AP4S1: variants seen among roughly 807,000 people sequenced by gnomAD.
The protein encoded by AP4S1 is AP-4 complex subunit sigma-1.
In AP4S1, 23 loss-of-function variants were observed where a neutral mutation model predicts 19.8. The observed-to-expected ratio is 1.16, with a 90% confidence interval of 0.84 to 1.65. The LOEUF is 1.65. AP4S1 is among the 40% of genes most tolerant of loss of function. The pLI is 0.00. For synonymous variants in AP4S1, 46 were observed against 54.1 expected (o/e 0.85, Z 0.66); for missense variants, 166 against 172.8 (o/e 0.96, Z 0.22).
rs1445455076 is a variant in AP4S1 at position 31,095,420 on chromosome 14, G to C, written c.*2385G>C. On this transcript the variant is annotated 3_prime_UTR_variant, in exon 6 of 6. Transcript: ENST00000542754. ...AGCCCCTACAGCTATCCTTTATCCC[G>C]TTTTTTGTTTGTTTTTTGGAGACAG... is the stretch of plus-strand genomic sequence containing the variant. 6.6e-6 allele frequency: 1 copy of C among 152,092 alleles called. No individual in the cohort carries two copies. The highest frequency in any genetic ancestry group is 1.5e-5 in the Non-Finnish European group (1 of 68,070). The allele number at this position is 152,092 out of a possible 1,614,324, so 9.4% of individuals were successfully genotyped here.
At chr14:31,039,445 A>C (rs938795065) in intron 1 of AP4S1, among the ~76,000 whole-genome samples, 1 of 152,170 alleles carries the variant, frequency 6.6e-6, no homozygotes, top group African/African-American at 2.4e-5. Flanking sequence ...TCGGCCTCCC[A>C]AAGAGCTGAG....
At chr14:31,034,552 A>G (rs1040131874) in intron 1 of AP4S1, among the ~76,000 whole-genome samples, 15 of 151,864 alleles carry the variant, frequency 9.9e-5, no homozygotes, top group Non-Finnish European at 1.8e-4. Context: ...CAGCCTCCCA[A>G]AGTGCTGGGA....
chr14:31,091,101 T>C (rs1474049933), intron 5 of AP4S1, among the ~76,000 whole-genome samples: 2 of 152,196 alleles, frequency 1.3e-5, no homozygotes, highest in Non-Finnish European at 2.9e-5. Context: ...TTCAAAACAA[T>C]TGGGCAGTTG....
chr14:31,085,496 G>A (rs529290065), intron 5 of AP4S1: 37 of 985,994 alleles, frequency 3.8e-5, no homozygotes, highest in Admixed American at 1.8e-4. Flanking sequence ...TCTTTAGACC[G>A]GGCACAGTGG....
At chr14:31,066,622 A>G (rs954747294) in intron 2 of AP4S1, among the ~76,000 whole-genome samples, 2 of 152,170 alleles carry the variant, frequency 1.3e-5, no homozygotes, top group African/African-American at 4.8e-5. Flanking sequence ...CTGCTAATAG[A>G]CACACCTCTT....
chr14:31,087,910 T>G (rs572401270), intron 5 of AP4S1, among the ~76,000 whole-genome samples: 2 of 152,346 alleles, frequency 1.3e-5, no homozygotes, highest in South Asian at 4.1e-4. Flanking sequence ...AACATCTTTT[T>G]TCCTTTTGAA....
chr14:31,068,693 C>T (rs571434056), intron 2 of AP4S1, among the ~76,000 whole-genome samples: 83 of 152,368 alleles, frequency 5.4e-4, no homozygotes, highest in African/African-American at 1.8e-3. Flanking sequence ...CTGTTAGATA[C>T]TTTTGATGCA....
upstream of AP4S1, chr14:31,025,604 G>T: frequency 2.1e-6 from 1 of 471,724 alleles, no homozygotes; most frequent in Non-Finnish European, 3.9e-6. Context: ...CCAAGCCCCG[G>T]AGGCCCGGGA....
Position 31,084,773 on chromosome 14 carries a change from C to T in AP4S1, c.306+4189C>T. The T allele has an allele frequency of 1.9e-6, 3 of 1,613,946 alleles. No individual in the cohort carries two copies. The South Asian group carries it at 3.3e-5, about 18-fold the overall frequency. Reference sequence around the variant, plus strand: ...GAATTAAGGTGTTTTTTTTAGGAACCAATTGATGAACTTCCCAAAATATGC... The same window carrying T: ...GAATTAAGGTGTTTTTTTTAGGAACTAATTGATGAACTTCCCAAAATATGC... On this transcript the variant is annotated intron_variant, in intron 5 of 5. Coordinates refer to ENST00000542754, the MANE Select transcript of AP4S1 (RefSeq NM_001128126.3).
intron 5 of AP4S1, among the ~76,000 whole-genome samples, chr14:31,083,820 T>C (rs908739096): frequency 2.0e-5 from 3 of 152,036 alleles, no homozygotes; most frequent in African/African-American, 7.2e-5. Flanking sequence ...CTGAAAAATA[T>C]CGGATTAAAA....
chr14:31,052,202 A>G (rs757579628), intron 1 of AP4S1, among the ~76,000 whole-genome samples: 36 of 151,998 alleles, frequency 2.4e-4, no homozygotes, highest in Non-Finnish European at 4.9e-4. Flanking sequence ...ACCAGGGGAC[A>G]TCGAGGCTGC....
At chr14:31,069,176 C>T (rs556846336) in intron 2 of AP4S1, among the ~76,000 whole-genome samples, 1 of 152,240 alleles carries the variant, frequency 6.6e-6, no homozygotes, top group Admixed American at 6.5e-5. Flanking sequence ...TCCCATAACT[C>T]TTTGTACAAA....
intron 1 of AP4S1, among the ~76,000 whole-genome samples, chr14:31,037,038 T>C (rs1884819698): frequency 6.6e-6 from 1 of 151,932 alleles, no homozygotes; most frequent in Non-Finnish European, 1.5e-5. Flanking sequence ...GGTCTCGATC[T>C]CTTGACCTTC....
chr14:31,033,776 A>C (rs1884555952), intron 1 of AP4S1, among the ~76,000 whole-genome samples: 1 of 152,236 alleles, frequency 6.6e-6, no homozygotes, highest in Admixed American at 6.5e-5. Flanking sequence ...CTGTGAGGAA[A>C]AGGAAAAGGA....
chr14:31,083,421 A>G (rs1566545541), intron 5 of AP4S1: 4 of 448,550 alleles, frequency 8.9e-6, no homozygotes, highest in Middle Eastern at 1.4e-3. Flanking sequence ...GTTTGATCTC[A>G]CTTGTACTTC....
chr14:31,032,041 C>T (rs1044160623), intron 1 of AP4S1, among the ~76,000 whole-genome samples: 2 of 147,170 alleles, frequency 1.4e-5, no homozygotes, highest in African/African-American at 5.1e-5. Context: ...ACTGGGTGCC[C>T]AGCCTGGATG....
chr14:31,030,827 C>G (rs756721289), intron 1 of AP4S1, among the ~76,000 whole-genome samples: 2 of 152,096 alleles, frequency 1.3e-5, no homozygotes, highest in Non-Finnish European at 2.9e-5. Flanking sequence ...TGTCCTGATC[C>G]GTCTTGAAAC....
intron 1 of AP4S1, among the ~76,000 whole-genome samples, chr14:31,035,666 T>C (rs1178516897): frequency 1.3e-5 from 2 of 151,242 alleles, no homozygotes; most frequent in African/African-American, 4.9e-5. Context: ...TGTGCGTTTC[T>C]ATGACCCCCC....
intron 4 of AP4S1, among the ~76,000 whole-genome samples, chr14:31,077,849 C>T (rs1481900182): frequency 6.6e-6 from 1 of 151,636 alleles, no homozygotes; most frequent in African/African-American, 2.4e-5. Flanking sequence ...AATTCTCCCA[C>T]CTCAACCTCC....
Sources: gnomAD v4.1 joint callset for allele counts (sites outside exome capture counted in the v4.1 genomes callset) on GRCh38, gnomAD v4.1.1 for gene constraint, MANE v1.5 for transcripts, NCBI Gene and HGNC (gene_info 2026-07-23, HGNC 2026-07-21) for gene names.